RNF17: variants seen among roughly 807,000 people sequenced by gnomAD.
RNF17 encodes the protein ring finger protein 17, also known as spermatogenesis associated 23.
Under a neutral mutation model 200.5 loss-of-function variants are expected in RNF17, and 31 were observed. That is an observed-to-expected ratio of 0.15 (90% confidence interval 0.12 to 0.21). RNF17 has a LOEUF of 0.21. Ranked by LOEUF, RNF17 falls within the 10% of genes least tolerant of loss-of-function variation. RNF17 has a pLI of 1.00. For synonymous variants in RNF17, 606 were observed against 637.8 expected, an observed-to-expected ratio of 0.95 and a Z score of 0.75; for missense variants, 1,628 against 1,905.1, an observed-to-expected ratio of 0.85 and a Z score of 2.71.
intron 18 of RNF17, among the ~76,000 whole-genome samples, chr13:24,834,222 C>T (rs1889719812): frequency 6.6e-6 from 1 of 151,940 alleles, no homozygotes; most frequent in East Asian, 1.9e-4. Context: ...GCCTGGCCAA[C>T]ATGGTGAAAC....
rs1485492580 is a variant in RNF17, at chr13:24,812,681, CCCCTT to C, written c.2091+8253_2091+8257del. On this transcript the variant is annotated intron_variant, in intron 15 of 35. Coordinates refer to ENST00000255324, the MANE Select transcript of RNF17 (RefSeq NM_031277.3). ...TTGGCTCCTCCCCTCCCCGCCCCAC[CCCCTT>C]TTTTTTTTTTTTTGAGACGCAGTCT... is the stretch of plus-strand genomic sequence containing the variant. Among the ~76,000 whole-genome samples, 19 of 87,026 alleles carry C rather than the reference CCCCTT, an allele frequency of 2.2e-4. 3 individuals are homozygous for C. The highest frequency in any genetic ancestry group is 7.9e-4 in the African/African-American group (19 of 23,990). The allele number at this position is 87,026 out of a possible 152,430, so 57.1% of individuals were successfully genotyped here. A position where few individuals can be genotyped will look rare whatever the true frequency, so the allele number is the denominator to read the frequency against.
chr13:24,825,282 A>C (rs1318147291), intron 15 of RNF17, among the ~76,000 whole-genome samples: 4 of 151,672 alleles, frequency 2.6e-5, no homozygotes, highest in African/African-American at 9.7e-5. Context: ...AGAACAAGTG[A>C]GAAATGATAG....
intron 22 of RNF17, among the ~76,000 whole-genome samples, chr13:24,845,902 G>A (rs1238239107): frequency 2.6e-5 from 4 of 152,136 alleles, no homozygotes; most frequent in Non-Finnish European, 5.9e-5. Context: ...AAGACAGGCA[G>A]TGGAGCAAAG....
At chr13:24,802,631 A>C in intron 14 of RNF17, 60 bp downstream of exon 14, 1 of 1,391,970 alleles carries the variant, frequency 7.2e-7, no homozygotes, top group Admixed American at 2.2e-5. Flanking sequence ...TGAGAGTAGC[A>C]GATTTTGCCT....
chr13:24,778,209 C>T lies in RNF17; in HGVS notation c.318-86C>T, dbSNP rs182281587. ...CCTGGGAAGTCGAGGCTGCCATGAG[C>T]CATGATGGTGCCACTGCACTCTGGC... On this transcript the variant is annotated intron_variant, in intron 3 of 35. Coordinates refer to ENST00000255324, the MANE Select transcript of RNF17 (RefSeq NM_031277.3). 1,009 of 847,502 alleles carry T rather than the reference C, an allele frequency of 1.2e-3. 5 individuals are homozygous for T. The African/African-American group carries it at 0.016, about 13-fold the overall frequency. The allele number at this position is 847,502 out of a possible 1,614,324, so 52.5% of individuals were successfully genotyped here.
intron 5 of RNF17, among the ~76,000 whole-genome samples, chr13:24,781,193 C>T (rs921229094): frequency 2.6e-5 from 4 of 151,226 alleles, no homozygotes; most frequent in Admixed American, 1.3e-4. Context: ...ATGGTTTCTA[C>T]GGTTTTTTTT....
At chr13:24,839,344 A>G (rs1890364568) in intron 18 of RNF17, among the ~76,000 whole-genome samples, 1 of 152,190 alleles carries the variant, frequency 6.6e-6, no homozygotes, top group Non-Finnish European at 1.5e-5. Flanking sequence ...AATCCCCATC[A>G]AAATACCACC....
rs1892230499 is a variant in RNF17 at position 24,854,162 on chromosome 13, A to G, written c.3610+18A>G. 1.3e-6 allele frequency: 2 copies of G among 1,580,122 alleles called. No homozygotes were observed. Among genetic ancestry groups the G allele is most frequent in the Non-Finnish European group, 8.6e-7 (1 of 1,157,584 alleles). ...ACTATCAGGTGAGACCTTCTATGTT[A>G]TGTAGGCTCTAGTTCTCTAGTACGA... is the stretch of plus-strand genomic sequence containing the variant. On this transcript the variant is annotated intron_variant, in intron 25 of 35. Transcript: ENST00000255324.
intron 15 of RNF17, among the ~76,000 whole-genome samples, chr13:24,814,307 G>A (rs1447946945): frequency 1.3e-5 from 2 of 152,108 alleles, no homozygotes; most frequent in Non-Finnish European, 1.5e-5. Flanking sequence ...TCCAAGGCTG[G>A]CTGTATTTTC....
chr13:24,804,550 T>TAGAA, intron 15 of RNF17, 121 bp downstream of exon 15: 1 of 662,260 alleles, frequency 1.5e-6, no homozygotes, highest in Non-Finnish European at 2.4e-6. Flanking sequence ...GTTAACCTTC[T>TAGAA]ATACGTTTAA....
chr13:24,882,977 GAC>G, downstream of RNF17: 2 of 588,168 alleles, frequency 3.4e-6, no homozygotes, highest in East Asian at 5.8e-5. Context: ...TCTATTGAAA[GAC>G]AGGGTAGTGA....
rs1159219578 is a variant in RNF17 at position 24,853,939 on chromosome 13, C to T, written c.3405C>T (p.Asn1135=). The T allele has an allele frequency of 1.9e-6, 3 of 1,613,638 alleles. No individual in the cohort carries two copies. Among genetic ancestry groups the T allele is most frequent in the African/African-American group, 1.3e-5 (1 of 74,926 alleles). The part of the protein sequence containing the change: ...PLEQEDSVVT[N]CIKTNFDPDK... ...AACAGGAAGATTCAGTAGTTACTAA[C>T]TGTATTAAAACTAACTTTGACCCTG... Residue 1135 remains asparagine, a synonymous_variant, in exon 25 of 36, where the codon AAC becomes AAT. Transcript: ENST00000255324.
chr13:24,882,133 G>GATAT (rs1327520593), downstream of RNF17, among the ~76,000 whole-genome samples: 989 of 3,034 alleles, frequency 0.33, 392 homozygotes, highest in African/African-American at 0.46. Flanking sequence ...CATCTATATA[G>GATAT]ATAGATACAT....
intron 22 of RNF17, among the ~76,000 whole-genome samples, chr13:24,847,808 T>A (rs1891424226): frequency 6.6e-6 from 1 of 152,212 alleles, no homozygotes; most frequent in Non-Finnish European, 1.5e-5. Context: ...AATGGGACAC[T>A]AAATCTTTTC....
At chr13:24,815,431 GTGTGTGTGTGT>G (rs1887269988) in intron 15 of RNF17, among the ~76,000 whole-genome samples, 3 of 11,522 alleles carry the variant, frequency 2.6e-4, no homozygotes, top group African/African-American at 5.5e-4. Context: ...CTAACGGGGT[GTGTGTGTGTGT>G]GTGTGTGTGT....
Position 24,830,521 on chromosome 13 carries a change from G to A in RNF17, c.2283G>A (p.Val761=), listed in dbSNP as rs2138018463. The A allele has an allele frequency of 6.2e-7, 1 of 1,609,338 alleles. No individual in the cohort carries two copies. Among genetic ancestry groups the A allele is most frequent in the Non-Finnish European group, 8.5e-7 (1 of 1,178,210 alleles). The stretch of plus-strand genomic sequence containing the variant: ...ATCAGGAAGTTGAAGTTAAATATGT[G>A]GACTTTGGTAATACTGCAAAAATAA... The part of the protein sequence containing the change: ...PGHQEVEVKY[V]DFGNTAKITI... Residue 761 remains valine, a synonymous_variant, in exon 17 of 36, where the codon GTG becomes GTA. Coordinates refer to ENST00000255324, the MANE Select transcript of RNF17 (RefSeq NM_031277.3).
intron 23 of RNF17, among the ~76,000 whole-genome samples, chr13:24,850,959 A>G (rs9511477): frequency 0.23 from 35,104 of 151,996 alleles, 4,520 homozygotes; most frequent in Non-Finnish European, 0.29. Context: ...TTCCTGATGC[A>G]TTTCACAAAA....
At chr13:24,813,856 C>G (rs1298863422) in intron 15 of RNF17, among the ~76,000 whole-genome samples, 4 of 85,076 alleles carry the variant, frequency 4.7e-5, no homozygotes, top group Non-Finnish European at 8.4e-5. Context: ...GAGACAGGTT[C>G]TTGCTGTGTT....
At chr13:24,884,050 G>C (rs767833776), downstream of RNF17, 2 of 1,613,796 alleles carry the variant, frequency 1.2e-6, no homozygotes, top group Admixed American at 3.3e-5. Flanking sequence ...GTCAGGAAAC[G>C]TGATTTCTTT....
Sources: allele counts gnomAD v4.1 joint callset (sites outside exome capture counted in the v4.1 genomes callset), GRCh38; gene constraint gnomAD v4.1.1; transcripts MANE v1.5; gene names NCBI Gene and HGNC (gene_info 2026-07-23, HGNC 2026-07-21).